Variants in OTOG observed in about 807,000 individuals in gnomAD.
OTOG encodes otogelin.
In OTOG, 296 loss-of-function variants were observed where a neutral mutation model predicts 313.8. The observed-to-expected ratio is 0.94, with a 90% CI of 0.86 to 1.04. The LOEUF (loss-of-function observed/expected upper bound fraction) is 1.04. OTOG is among the 50% of genes least tolerant of loss of function. OTOG has a pLI of 0.00. For missense variants in OTOG, 3,948 were observed against 3,840.1 expected (o/e 1.03, Z -0.74); for synonymous variants, 1,533 against 1,554.9 (o/e 0.99, Z 0.33).
chr11:17,570,577 A>C, intron 17 of OTOG, 187 bp downstream of exon 17: 1 of 591,924 alleles, frequency 1.7e-6, no homozygotes, highest in Non-Finnish European at 2.9e-6. Context: ...ACAGTCCTCT[A>C]TGTGTGGAAT....
At chr11:17,635,735 C>T (rs915986516) in intron 47 of OTOG, 24 bp downstream of exon 47, 32 of 1,533,752 alleles carry the variant, frequency 2.1e-5, no homozygotes, top group Middle Eastern at 1.7e-4. Flanking sequence ...GGGCACATGG[C>T]GGGCTGCGGC....
At chr11:17,613,374 C>CCTTCCTTCCTTCCTTCCTTCCCTCCT (rs1565119211) in intron 38 of OTOG, among the ~76,000 whole-genome samples, 6 of 74,660 alleles carry the variant, frequency 8.0e-5, no homozygotes, top group South Asian at 5.3e-4. Context: ...CCTTCCTTCC[C>CCTTCCTTCCTTCCTTCCTTCCCTCCT]TCCTTCCTTC....
rs1302252852 is a variant in OTOG, at chr11:17,634,910, A to G, written c.7547A>G (p.His2516Arg). The G allele has an allele frequency of 1.3e-6, 2 of 1,527,158 alleles. No homozygotes were observed. Among genetic ancestry groups the G allele is most frequent in the East Asian group, 5.2e-5 (2 of 38,814 alleles). 94.6% of individuals were successfully genotyped at this position (1,527,158 alleles called of 1,614,324 possible). A position where few individuals can be genotyped will look rare whatever the true frequency, so the allele number is the denominator to read the frequency against. The change falls in exon 45 of 56, where the codon CAC (histidine) becomes CGC (arginine). Residue 2516 changes from histidine to arginine, a missense_variant. Coordinates refer to ENST00000399397, the MANE Select transcript of OTOG (RefSeq NM_001292063.2). ...TCRPGHRLLT[H>R]FQEDSCCPSY... is the part of the protein sequence containing the mutation. Reference sequence around the variant, plus strand: ...CGCCCAGGCCACCGCCTCCTCACCCACTTCCAGGAGGACTCCTGCTGCCCC... The same window carrying G: ...CGCCCAGGCCACCGCCTCCTCACCCGCTTCCAGGAGGACTCCTGCTGCCCC...
In OTOG at chr11:17,610,657, C is replaced by T. The variant is rs902344906; in HGVS notation, c.5357C>T (p.Pro1786Leu). Residue 1786 changes from proline (P) to leucine (L), a missense_variant, in exon 36 of 56, where the codon CCC becomes CTC. By Grantham distance (98) the Pro-to-Leu change is moderately conservative. Coordinates refer to ENST00000399397, the MANE Select transcript of OTOG (RefSeq NM_001292063.2). ...GCCACTGATGGGCTGGCAGCCACAC[C>T]CTTCATGTCCCTTGAGTCAACTCGT... The part of the protein sequence containing the change: ...STATDGLAAT[P>L]FMSLESTRPS... The T allele has an allele frequency of 8.4e-6, 13 of 1,550,746 alleles. No individual in the cohort carries two copies. The highest frequency in any genetic ancestry group is 1.1e-5 in the Non-Finnish European group (13 of 1,146,998).
intron 28 of OTOG, 104 bp from the exon 29 acceptor site, chr11:17,595,934 T>A (rs2134065050): frequency 2.6e-6 from 2 of 774,812 alleles, no homozygotes; most frequent in Non-Finnish European, 4.4e-6. Context: ...GACCTGAATA[T>A]CAGGGGGCAA....
chr11:17,552,302 C>T (rs754796874), intron 4 of OTOG, among the ~76,000 whole-genome samples: 18 of 152,194 alleles, frequency 1.2e-4, no homozygotes, highest in Non-Finnish European at 8.8e-5. Context: ...GACCATGGCC[C>T]GGGACTGCCC....
chr11:17,548,714 G>A (rs1851865821), intron 3 of OTOG, among the ~76,000 whole-genome samples: 1 of 151,890 alleles, frequency 6.6e-6, no homozygotes, highest in Admixed American at 6.6e-5. Context: ...CTCATCCTTT[G>A]AGCCTTTTTT....
intron 49 of OTOG, among the ~76,000 whole-genome samples, chr11:17,639,999 G>T (rs1847937551): frequency 6.6e-6 from 1 of 151,474 alleles, no homozygotes; most frequent in Non-Finnish European, 1.5e-5. Flanking sequence ...AGTGACGATG[G>T]TGATGGTGGT....
At position 17,569,306 on chromosome 11, in the gene OTOG, C is replaced by G; in HGVS notation, c.1777+18C>G. ...CACAGATGGTACGGTTTGGGGTGGACAACAGACCTAGTTGGGAACTGAGGG... is the reference window on the plus strand; with the variant it reads ...CACAGATGGTACGGTTTGGGGTGGAGAACAGACCTAGTTGGGAACTGAGGG... On this transcript the variant is annotated intron_variant, in intron 16 of 55. Transcript: ENST00000399397. 6.5e-7 allele frequency: 1 copy of G among 1,550,334 alleles called. No individual in the cohort carries two copies. Among genetic ancestry groups the G allele is most frequent in the Non-Finnish European group, 8.7e-7 (1 of 1,146,818 alleles).
intron 32 of OTOG, among the ~76,000 whole-genome samples, chr11:17,605,202 G>T (rs2134080076): frequency 1.3e-5 from 2 of 152,356 alleles, no homozygotes; most frequent in Admixed American, 1.3e-4. Flanking sequence ...AGGGGAAACT[G>T]CCCACCAGGC....
At chr11:17,561,347 G>A (rs913389067) in intron 14 of OTOG, among the ~76,000 whole-genome samples, 3 of 152,222 alleles carry the variant, frequency 2.0e-5, no homozygotes, top group African/African-American at 7.2e-5. Flanking sequence ...GAGGAGAAGG[G>A]GTTTCCATGG....
intron 22 of OTOG, 85 bp from the exon 23 acceptor site, chr11:17,578,288 C>T (rs1852583729): frequency 1.4e-6 from 2 of 1,409,258 alleles, no homozygotes; most frequent in Admixed American, 3.1e-5. Context: ...CCCGTCTCTC[C>T]CTCCATCCTC....
intron 24 of OTOG, among the ~76,000 whole-genome samples, chr11:17,587,126 A>G (rs1852813341): frequency 6.6e-6 from 1 of 152,188 alleles, no homozygotes; most frequent in Admixed American, 6.5e-5. Flanking sequence ...GTGAGTGTAA[A>G]TGTCTGTGTA....
intron 39 of OTOG, among the ~76,000 whole-genome samples, chr11:17,622,911 G>A (rs1590049428): frequency 6.6e-6 from 1 of 152,230 alleles, no homozygotes; most frequent in East Asian, 1.9e-4. Flanking sequence ...AGTGTTTTGA[G>A]GAACCTCCAA....
chr11:17,629,355 C>T, intron 40 of OTOG, 39 bp downstream of exon 40: 2 of 1,520,692 alleles, frequency 1.3e-6, no homozygotes, highest in South Asian at 2.5e-5. Context: ...GGATGCTTCC[C>T]AGGTCCACCT....
intron 17 of OTOG, among the ~76,000 whole-genome samples, chr11:17,571,726 C>T (rs7117519): frequency 0.097 from 14,794 of 151,954 alleles, 1,410 homozygotes; most frequent in African/African-American, 0.25. Context: ...CATTTTGAGC[C>T]CTTTTGGGAC....
At chr11:17,591,346 G>A (rs778904193) in intron 24 of OTOG, 104 bp from the exon 25 acceptor site, 26 of 1,437,380 alleles carry the variant, frequency 1.8e-5, no homozygotes, top group Non-Finnish European at 2.1e-5. Context: ...CCTCTTTGCC[G>A]AGGGACACAG....
Position 17,574,702 on chromosome 11 carries a change from A to T in OTOG, c.2294-18A>T, listed in dbSNP as rs1590012542. The T allele has an allele frequency of 6.5e-7, 1 of 1,543,624 alleles. No individual in the cohort carries two copies. Among genetic ancestry groups the T allele is most frequent in the South Asian group, 1.2e-5 (1 of 83,372 alleles). On this transcript the variant is annotated intron_variant, in intron 19 of 55. Transcript: ENST00000399397. ...GGATGAGGGAGACAAAGCATGCACCACTCCCCCCTCACTGCAGCACTGTCC... is the reference window on the plus strand; with the variant it reads ...GGATGAGGGAGACAAAGCATGCACCTCTCCCCCCTCACTGCAGCACTGTCC...
chr11:17,635,551 T>C (rs756542527), intron 46 of OTOG, 59 bp from the exon 47 acceptor site: 8 of 1,374,932 alleles, frequency 5.8e-6, no homozygotes, highest in Non-Finnish European at 7.1e-6. Context: ...AGCAACGTGC[T>C]GTGTGCCAGG....
Sources: gnomAD v4.1 joint callset for allele counts (sites outside exome capture counted in the v4.1 genomes callset) on GRCh38, gnomAD v4.1.1 for gene constraint, MANE v1.5 for transcripts, NCBI Gene and HGNC (gene_info 2026-07-23, HGNC 2026-07-21) for gene names.